The following HCN1 variants were observed in gnomAD, a reference collection of about 807,000 sequenced individuals.
HCN1 encodes the protein potassium/sodium hyperpolarization-activated cyclic nucleotide-gated channel 1.
Under a neutral mutation model 78.9 loss-of-function variants are expected in HCN1, and 13 were observed. The observed-to-expected ratio is 0.16, with a 90% CI of 0.11 to 0.26. HCN1 has a LOEUF of 0.26. Ranked by LOEUF, HCN1 falls within the 10% of genes least tolerant of loss-of-function variation. HCN1 has a pLI of 1.00. For synonymous variants in HCN1, 552 were observed against 455.5 expected (o/e 1.21, Z -2.70); for missense variants, 810 against 1,154.3 (o/e 0.70, Z 4.32).
intron 5 of HCN1, among the ~76,000 whole-genome samples, chr5:45,329,843 G>C (rs913795329): frequency 6.6e-6 from 1 of 151,258 alleles, no homozygotes; most frequent in Non-Finnish European, 1.5e-5. Flanking sequence ...TGGCTTAGAA[G>C]GTTCTTATAC....
intron 3 of HCN1, among the ~76,000 whole-genome samples, chr5:45,440,578 T>A (rs1740649821): frequency 6.6e-6 from 1 of 152,156 alleles, no homozygotes; most frequent in Non-Finnish European, 1.5e-5. Context: ...GAGCTGCTGT[T>A]TTCCTTGCTA....
intron 5 of HCN1, among the ~76,000 whole-genome samples, chr5:45,307,890 G>T (rs1328090068): frequency 1.3e-5 from 2 of 152,094 alleles, no homozygotes; most frequent in East Asian, 1.9e-4. Flanking sequence ...GGGGGAAATT[G>T]GATGTGATGT....
At chr5:45,649,919 G>C (rs1289212921) in intron 1 of HCN1, among the ~76,000 whole-genome samples, 1 of 151,512 alleles carries the variant, frequency 6.6e-6, no homozygotes, top group African/African-American at 2.4e-5. Flanking sequence ...ACTTATTAAG[G>C]GTTTTCATTT....
intron 6 of HCN1, among the ~76,000 whole-genome samples, chr5:45,296,400 T>C (rs1255529801): frequency 6.6e-6 from 1 of 151,828 alleles, no homozygotes; most frequent in Non-Finnish European, 1.5e-5. Context: ...AAGTCTCAGA[T>C]AATATTAAAA....
intron 5 of HCN1, among the ~76,000 whole-genome samples, chr5:45,320,856 G>A (rs1746111163): frequency 6.6e-6 from 1 of 151,812 alleles, no homozygotes; most frequent in Admixed American, 6.6e-5. Flanking sequence ...TACATAGCAT[G>A]TACATTTCTA....
At position 45,361,693 on chromosome 5, in the gene HCN1, A is replaced by G. The variant is rs148373566; in HGVS notation, c.1231-8447T>C. 6.3e-4 allele frequency among the ~76,000 whole-genome samples: 96 copies of G among 152,330 alleles called. 1 individual carries two copies. The East Asian group carries it at 0.011, about 17-fold the overall frequency. The stretch of plus-strand genomic sequence containing the variant: ...TAGCTATCCATTCAGATATTTCACA[A>G]GAAACTATACTTTCATCTATGTAAA... On this transcript the variant is annotated intron_variant, in intron 4 of 7. Coordinates refer to ENST00000303230, the MANE Select transcript of HCN1 (RefSeq NM_021072.4).
intron 1 of HCN1, among the ~76,000 whole-genome samples, chr5:45,674,563 T>C (rs1422668999): frequency 1.3e-5 from 2 of 151,824 alleles, no homozygotes; most frequent in East Asian, 1.9e-4. Flanking sequence ...ATTTATTAGA[T>C]ACAACTTAAG....
At chr5:45,400,394 C>CTTTT (rs541820226) in intron 3 of HCN1, among the ~76,000 whole-genome samples, 31 of 113,008 alleles carry the variant, frequency 2.7e-4, no homozygotes, top group Admixed American at 4.5e-4. Flanking sequence ...ATTAAAAATG[C>CTTTT]TTTTTTTTTT....
intron 4 of HCN1, 58 bp from the exon 5 acceptor site, chr5:45,353,304 A>G: frequency 7.6e-7 from 1 of 1,309,078 alleles, no homozygotes. Context: ...ATCAGAAATC[A>G]TATTATTTTG....
At chr5:45,531,741 C>T (rs532050301) in intron 2 of HCN1, among the ~76,000 whole-genome samples, 123 of 152,022 alleles carry the variant, frequency 8.1e-4, no homozygotes, top group African/African-American at 2.8e-3. Flanking sequence ...AAATATGTTC[C>T]AACATGACAT....
intron 5 of HCN1, among the ~76,000 whole-genome samples, chr5:45,333,423 C>G (rs969683934): frequency 6.6e-6 from 1 of 151,616 alleles, no homozygotes; most frequent in Non-Finnish European, 1.5e-5. Context: ...CAAATATTTT[C>G]TCCTATTCTG....
chr5:45,588,890 A>G (rs2111939979), intron 2 of HCN1, among the ~76,000 whole-genome samples: 1 of 152,280 alleles, frequency 6.6e-6, no homozygotes, highest in African/African-American at 2.4e-5. Context: ...CGCCTGATAA[A>G]AATAGTTTGG....
chr5:45,416,527 A>C (rs1199347240), intron 3 of HCN1, among the ~76,000 whole-genome samples: 1 of 152,050 alleles, frequency 6.6e-6, no homozygotes, highest in Non-Finnish European at 1.5e-5. Context: ...TGACATTGAA[A>C]GTAAAAAGTG....
chr5:45,545,769 A>T (rs1049549189), intron 2 of HCN1, among the ~76,000 whole-genome samples: 3 of 151,930 alleles, frequency 2.0e-5, no homozygotes, highest in Admixed American at 6.6e-5. Flanking sequence ...CTGAATTTTT[A>T]ACTCTTCACA....
intron 3 of HCN1, among the ~76,000 whole-genome samples, chr5:45,404,990 T>C (rs980160051): frequency 6.6e-6 from 1 of 152,136 alleles, no homozygotes; most frequent in African/African-American, 2.4e-5. Flanking sequence ...ATCTAAAATA[T>C]GGCACTCAGA....
chr5:45,323,192 G>A (rs192016034), intron 5 of HCN1, among the ~76,000 whole-genome samples: 57 of 151,866 alleles, frequency 3.8e-4, no homozygotes, highest in Middle Eastern at 6.8e-3. Context: ...AAATCAAGAT[G>A]TGATGCAAGT....
At chr5:45,668,553 G>A (rs1039918172) in intron 1 of HCN1, among the ~76,000 whole-genome samples, 14 of 151,852 alleles carry the variant, frequency 9.2e-5, no homozygotes, top group Admixed American at 9.2e-4. Flanking sequence ...AAAGCAGTGT[G>A]AAAACGGACT....
At position 45,281,673 on chromosome 5, in the gene HCN1, C is replaced by T. The variant is rs973722592; in HGVS notation, c.1619-14420G>A. On this transcript the variant is annotated intron_variant, in intron 6 of 7. Transcript: ENST00000303230. ...CATGATCTCGGCTCACTGTAACCTCCGCTTCCTGGGTTCAAGCAATTATCC... is the reference window on the plus strand; with the variant it reads ...CATGATCTCGGCTCACTGTAACCTCTGCTTCCTGGGTTCAAGCAATTATCC... Among the ~76,000 whole-genome samples the T allele has an allele frequency of 1.3e-4, 19 of 147,190 alleles. No individual in the cohort carries two copies. The East Asian group carries it at 1.4e-3, about 11-fold the overall frequency.
At chr5:45,361,502 G>A (rs1747108629) in intron 4 of HCN1, among the ~76,000 whole-genome samples, 1 of 152,196 alleles carries the variant, frequency 6.6e-6, no homozygotes, top group Non-Finnish European at 1.5e-5. Flanking sequence ...AGTAGAGATG[G>A]GGTTTCACCA....
Sources: allele counts gnomAD v4.1 joint callset (sites outside exome capture counted in the v4.1 genomes callset), GRCh38; gene constraint gnomAD v4.1.1; transcripts MANE v1.5; gene names NCBI Gene and HGNC (gene_info 2026-07-23, HGNC 2026-07-21).